The following BLTP2 variants were observed in gnomAD, a reference collection of about 807,000 sequenced individuals.
The protein encoded by BLTP2 is U937-associated antigen.
the BLTP2 span, chr17:28,634,649 A>T: frequency 6.2e-7 from 1 of 1,614,228 alleles, no homozygotes; most frequent in African/African-American, 1.3e-5. Flanking sequence ...CCATGGAAGG[A>T]GGCATCTGCC....
chr17:28,638,470 G>C, the BLTP2 span: 1 of 1,599,228 alleles, frequency 6.3e-7, no homozygotes, highest in Non-Finnish European at 8.6e-7. Context: ...CATCAATTGG[G>C]CCTAGCTCCA....
chr17:28,633,091 C>A, the BLTP2 span: 4 of 1,591,322 alleles, frequency 2.5e-6, no homozygotes, highest in South Asian at 2.3e-5. Flanking sequence ...ATGGGGGTTC[C>A]CATGGCACAG....
At chr17:28,644,173 C>A in the BLTP2 span, 6 of 1,613,748 alleles carry the variant, frequency 3.7e-6, no homozygotes, top group East Asian at 2.2e-5. Context: ...GGTGGCCAAC[C>A]GGACCACAAG....
the BLTP2 span, chr17:28,635,562 G>A: frequency 6.2e-7 from 1 of 1,613,984 alleles, no homozygotes; most frequent in East Asian, 2.2e-5. Flanking sequence ...ACAGGTACAT[G>A]TGATCTGGGG....
At chr17:28,616,328 C>T in the BLTP2 span, 3 of 1,613,334 alleles carry the variant, frequency 1.9e-6, no homozygotes, top group East Asian at 4.5e-5. This position sits in a 1 kb window ranked among gnomAD's most constrained non-coding sequence, Gnocchi z 4.8. Flanking sequence ...CCACACCAAA[C>T]AGGACCTCAA....
the BLTP2 span, chr17:28,631,937 T>C: frequency 6.2e-7 from 1 of 1,612,938 alleles, no homozygotes; most frequent in Non-Finnish European, 8.5e-7. Context: ...CAAGAGAGCA[T>C]AACATTAACA....
chr17:28,638,135 C>T, the BLTP2 span: 9 of 1,605,288 alleles, frequency 5.6e-6, no homozygotes, highest in Admixed American at 1.7e-5. Flanking sequence ...AGTATGCAGG[C>T]GCACAGTTTT....
the BLTP2 span, chr17:28,635,813 G>A: frequency 5.6e-6 from 3 of 540,112 alleles, no homozygotes; most frequent in Middle Eastern, 4.9e-4. Context: ...TGACATTTAA[G>A]AGCACTTATA....
the BLTP2 span, chr17:28,615,164 A>G: frequency 6.2e-7 from 1 of 1,614,084 alleles, no homozygotes; most frequent in East Asian, 2.2e-5. Flanking sequence ...CTGCTGTTGC[A>G]TGTTCAGGTC....
chr17:28,631,132 G>C, the BLTP2 span, among the ~76,000 whole-genome samples: 1 of 152,100 alleles, frequency 6.6e-6, no homozygotes, highest in African/African-American at 2.4e-5. Context: ...TGTGGAGATG[G>C]GCCTTTGGGA....
the BLTP2 span, among the ~76,000 whole-genome samples, chr17:28,629,953 T>C: frequency 2.9e-4 from 44 of 152,110 alleles, no homozygotes; most frequent in African/African-American, 1.1e-3. Flanking sequence ...CCTCTGCCTC[T>C]TGGGCTCAAG....
chr17:28,640,321 A>T, the BLTP2 span: 12 of 511,066 alleles, frequency 2.3e-5, no homozygotes, highest in East Asian at 4.2e-4. Flanking sequence ...TGAACCTGGG[A>T]GGCAGAGGTT....
chr17:28,616,302 C>A, the BLTP2 span: 5 of 1,607,468 alleles, frequency 3.1e-6, no homozygotes, highest in South Asian at 2.2e-5. This position sits in a 1 kb window ranked among gnomAD's most constrained non-coding sequence, Gnocchi z 4.8. Context: ...TTAGAGGAAA[C>A]CGAAGAAATC....
the BLTP2 span, chr17:28,615,831 G>A: frequency 5.6e-6 from 9 of 1,611,380 alleles, no homozygotes; most frequent in Admixed American, 1.2e-4. Flanking sequence ...AAGAAAAAAA[G>A]AGGGGTGGGG....
the BLTP2 span, chr17:28,643,202 G>A: frequency 6.2e-7 from 1 of 1,614,200 alleles, no homozygotes. Flanking sequence ...CTGAAGGACA[G>A]TTCCTTTTGA....
At chr17:28,643,649 T>G in the BLTP2 span, 1 of 1,614,076 alleles carries the variant, frequency 6.2e-7, no homozygotes, top group Non-Finnish European at 8.5e-7. Flanking sequence ...AATCCACAGG[T>G]TATCAATTTC....
the BLTP2 span, chr17:28,628,610 C>T: frequency 6.7e-7 from 1 of 1,488,366 alleles, no homozygotes; most frequent in Non-Finnish European, 9.3e-7. Context: ...GCCCCCAGTG[C>T]CACAGAGGCA....
the BLTP2 span, chr17:28,631,352 C>T: frequency 2.3e-6 from 2 of 869,104 alleles, no homozygotes; most frequent in Non-Finnish European, 3.6e-6. Flanking sequence ...TCCCAGTAGC[C>T]AAAACTCATA....
At chr17:28,620,873 T>C in the BLTP2 span, 168 of 1,047,870 alleles carry the variant, frequency 1.6e-4, no homozygotes, top group Non-Finnish European at 2.2e-4. Flanking sequence ...AGTGAAATGT[T>C]AATGCCAGTG....
Sources: allele counts gnomAD v4.1 joint callset (sites outside exome capture counted in the v4.1 genomes callset), GRCh38; gene constraint gnomAD v4.1.1; non-coding constraint Gnocchi (gnomAD v3.1); transcripts MANE v1.5; gene names NCBI Gene and HGNC (gene_info 2026-07-23, HGNC 2026-07-21).